The following ADGRV1 variants were observed in gnomAD, a reference collection of about 807,000 sequenced individuals.
ADGRV1 encodes adhesion G protein-coupled receptor V1, also known as G-protein coupled receptor 98.
A neutral mutation model predicts 596.2 loss-of-function variants in ADGRV1; 359 were observed. The ratio of observed to expected loss-of-function variants is 0.60; its 90% CI spans 0.55 to 0.66. The LOEUF (loss-of-function observed/expected upper bound fraction) is 0.66. Among genes scored for constraint, ADGRV1 ranks in the 30% least tolerant of loss-of-function variants. The pLI, the probability that ADGRV1 is intolerant of heterozygous loss-of-function variation, is 0.00. For synonymous variants in ADGRV1, 2,681 were observed against 2,679.2 expected (o/e 1.00, Z -0.02); for missense variants, 7,274 against 7,575.6 (o/e 0.96, Z 1.48).
chr5:91,096,357 G>A (rs1202532116), intron 86 of ADGRV1, among the ~76,000 whole-genome samples: 1 of 151,972 alleles, frequency 6.6e-6, no homozygotes, highest in Non-Finnish European at 1.5e-5. Context: ...TTAAATTCGT[G>A]GAAATAATAT....
rs1220837691 is a variant in ADGRV1 at position 90,628,768 on chromosome 5, C to T, written c.1445C>T (p.Ala482Val). Residue 482 changes from alanine to valine, a missense_variant, in exon 8 of 90, where the codon GCT (alanine) becomes GTT (valine). By Grantham distance (64) the Ala-to-Val change is moderately conservative. Around this residue, in one of 5 missense-constraint regions of ADGRV1, gnomAD observed 1,715 missense variants for 1,708.8 expected, o/e 1.00. Coordinates refer to ENST00000405460, the MANE Select transcript of ADGRV1 (RefSeq NM_032119.4). The part of the protein sequence containing the change: ...VDDDLPEEAE[A>V]YLLQILPHTI... Reference sequence around the variant, plus strand: ...GATGATCTTCCAGAAGAGGCAGAAGCTTATCTACTTCAAATTCTGCCTCAT... The same window carrying T: ...GATGATCTTCCAGAAGAGGCAGAAGTTTATCTACTTCAAATTCTGCCTCAT... 2 of 1,613,972 alleles carry T rather than the reference C, an allele frequency of 1.2e-6. No individual in the cohort carries two copies. The highest frequency in any genetic ancestry group is 2.7e-5 in the African/African-American group (2 of 75,044).
At chr5:90,927,689 G>T (rs1466484488) in intron 83 of ADGRV1, among the ~76,000 whole-genome samples, 1 of 151,876 alleles carries the variant, frequency 6.6e-6, no homozygotes, top group Non-Finnish European at 1.5e-5. Flanking sequence ...TGTTAGGGGT[G>T]ATTTTGCTCG....
intron 89 of ADGRV1, among the ~76,000 whole-genome samples, chr5:91,162,675 C>T (rs1459893977): frequency 6.6e-6 from 1 of 152,146 alleles, no homozygotes; most frequent in African/African-American, 2.4e-5. Context: ...GTTTCAACAG[C>T]GGCCTTTAAC....
chr5:90,798,890 A>C (rs571444324), intron 70 of ADGRV1, among the ~76,000 whole-genome samples: 17 of 152,332 alleles, frequency 1.1e-4, no homozygotes, highest in Admixed American at 9.2e-4. Context: ...TTCATGCTAA[A>C]AACTCTCAAT....
At chr5:90,625,901 G>A (rs1764695646) in intron 6 of ADGRV1, 1 of 152,134 alleles carries the variant, frequency 6.6e-6, no homozygotes, top group Non-Finnish European at 1.5e-5. Flanking sequence ...CACCCGGCTT[G>A]TTTGGATATT....
intron 89 of ADGRV1, among the ~76,000 whole-genome samples, chr5:91,160,898 G>C (rs1796887772): frequency 6.6e-6 from 1 of 152,156 alleles, no homozygotes; most frequent in African/African-American, 2.4e-5. Context: ...AGTAGATGTG[G>C]TGACTCAAGA....
Position 90,683,982 on chromosome 5 carries a change from A to G in ADGRV1, c.6061A>G (p.Met2021Val). 2 of 1,613,966 alleles carry G rather than the reference A, an allele frequency of 1.2e-6. No individual in the cohort carries two copies. Among genetic ancestry groups the G allele is most frequent in the Non-Finnish European group, 8.5e-7 (1 of 1,179,870 alleles). Residue 2021 changes from methionine to valine, a missense_variant, in exon 28 of 90, where the codon ATG (methionine) becomes GTG (valine). Met to Val is a conservative substitution (Grantham distance 21). Around this residue, in one of 5 missense-constraint regions of ADGRV1, gnomAD observed 3,643 missense variants for 3,809.2 expected, o/e 0.96. Coordinates refer to ENST00000405460, the MANE Select transcript of ADGRV1 (RefSeq NM_032119.4). ...VLVSYATLDD[M>V]EKPPYFPPNL... ...TGTCTCATATGCAACACTAGATGAT[A>G]TGGAAAAACCACCTTATTTTCCACC...
rs754080563 is a variant in ADGRV1, at chr5:90,683,746, A to C, written c.5825A>C (p.Glu1942Ala). Reference protein sequence around the residue: ...TVEILPDEDPELDKAFSVSVL... With the variant: ...TVEILPDEDPALDKAFSVSVL... ...GAGATATTGCCTGACGAAGACCCAG[A>C]ACTGGATAAGGCATTCTCTGTGTCA... The change falls in exon 28 of 90, where the codon GAA becomes GCA. Residue 1942 changes from glutamate (E) to alanine (A), a missense_variant. This residue lies in a region of ADGRV1 where 3,643 missense variants were observed against 3,809.2 expected (regional missense o/e 0.96). Coordinates refer to ENST00000405460, the MANE Select transcript of ADGRV1 (RefSeq NM_032119.4). The C allele has an allele frequency of 4.3e-6, 7 of 1,613,872 alleles. No homozygotes were observed. The highest frequency in any genetic ancestry group is 5.9e-6 in the Non-Finnish European group (7 of 1,179,878).
chr5:91,101,812 C>T (rs950743825), intron 86 of ADGRV1, among the ~76,000 whole-genome samples: 8 of 152,204 alleles, frequency 5.3e-5, no homozygotes, highest in South Asian at 2.1e-4. Flanking sequence ...CACGCACACA[C>T]GCACGATGTT....
chr5:90,866,479 C>T (rs186717363), intron 83 of ADGRV1, among the ~76,000 whole-genome samples: 110 of 151,990 alleles, frequency 7.2e-4, no homozygotes, highest in African/African-American at 2.6e-3. Context: ...CAGTAGGTGG[C>T]AGTAGAAGAT....
intron 83 of ADGRV1, among the ~76,000 whole-genome samples, chr5:90,901,656 G>T (rs1275611796): frequency 6.6e-6 from 1 of 152,118 alleles, no homozygotes; most frequent in Non-Finnish European, 1.5e-5. Flanking sequence ...TCCCAAAGGA[G>T]AATTTAATAC....
intron 72 of ADGRV1, among the ~76,000 whole-genome samples, chr5:90,806,493 T>A (rs1373793519): frequency 1.3e-5 from 2 of 152,216 alleles, no homozygotes; most frequent in African/African-American, 2.4e-5. Flanking sequence ...TCTTGTCTTT[T>A]ACTTCCTTAC....
intron 5 of ADGRV1, among the ~76,000 whole-genome samples, chr5:90,624,672 G>T (rs1166166023): frequency 6.6e-6 from 1 of 152,100 alleles, no homozygotes. Flanking sequence ...AGGGGAATTT[G>T]CTGTGTTCAC....
intron 85 of ADGRV1, among the ~76,000 whole-genome samples, chr5:91,003,812 G>T (rs991759214): frequency 2.0e-5 from 3 of 152,042 alleles, no homozygotes; most frequent in Non-Finnish European, 4.4e-5. Context: ...AAATCAGTAT[G>T]GGTACATGTA....
At chr5:90,795,204 A>G (rs2150151505) in intron 70 of ADGRV1, among the ~76,000 whole-genome samples, 1 of 150,024 alleles carries the variant, frequency 6.7e-6, no homozygotes, top group South Asian at 2.1e-4. Context: ...GGTCTTGCTC[A>G]GCAGGTCCCA....
At chr5:90,641,438 A>AT (rs1766956152) in intron 11 of ADGRV1, among the ~76,000 whole-genome samples, 1 of 152,174 alleles carries the variant, frequency 6.6e-6, no homozygotes, top group South Asian at 2.1e-4. Context: ...GGATTTTTAT[A>AT]TTTTGCATTC....
Position 90,725,172 on chromosome 5 carries a change from TGAA to T in ADGRV1, c.9997_9999del (p.Glu3333del). 6.4e-7 allele frequency: 1 copy of T among 1,552,942 alleles called. No homozygotes were observed. The highest frequency in any genetic ancestry group is 8.7e-7 in the Non-Finnish European group (1 of 1,144,850). ...TTGTGATTACTCATGAAGAAAGAAA[TGAA>T]GAAAAGCCTTCTCTTAACAGTGTGT... On this transcript the variant is annotated inframe_deletion, in exon 47 of 90. Transcript: ENST00000405460.
chr5:90,965,312 G>A (rs999203635), intron 83 of ADGRV1, 103 bp from the exon 84 acceptor site: 1 of 722,664 alleles, frequency 1.4e-6, no homozygotes, highest in African/African-American at 1.7e-5. Flanking sequence ...ACTTTCACAT[G>A]GAATCACTGA....
chr5:90,927,345 T>C (rs1774605527), intron 83 of ADGRV1, among the ~76,000 whole-genome samples: 1 of 152,030 alleles, frequency 6.6e-6, no homozygotes, highest in Non-Finnish European at 1.5e-5. Flanking sequence ...ATATTTAGGA[T>C]AGTTAGCTCT....
Sources: allele counts gnomAD v4.1 joint callset (sites outside exome capture counted in the v4.1 genomes callset), GRCh38; gene constraint gnomAD v4.1.1; regional missense constraint gnomAD v4.1.1; transcripts MANE v1.5; gene names NCBI Gene and HGNC (gene_info 2026-07-23, HGNC 2026-07-21).